WIPF1: variants seen among roughly 807,000 people sequenced by gnomAD.
WIPF1 encodes the protein WAS/WASL-interacting protein family member 1.
A neutral mutation model predicts 35.4 loss-of-function variants in WIPF1; 13 were observed. The ratio of observed to expected loss-of-function variants is 0.37; its 90% confidence interval spans 0.24 to 0.58. The LOEUF (loss-of-function observed/expected upper bound fraction) is 0.58. Ranked by LOEUF, WIPF1 falls within the 20% of genes least tolerant of loss-of-function variation. The probability of loss-of-function intolerance (pLI) is 0.74; values close to 1 mark genes in which losing one functional copy is unlikely to be tolerated. For synonymous variants in WIPF1, 267 were observed against 266.3 expected, an observed-to-expected ratio of 1.00 and a Z score of -0.02; for missense variants, 591 against 667.0, an observed-to-expected ratio of 0.89 and a Z score of 1.25.
chr2:174,609,053 G>C (rs1314165079), intron 1 of WIPF1, among the ~76,000 whole-genome samples: 1 of 152,164 alleles, frequency 6.6e-6, no homozygotes, highest in African/African-American at 2.4e-5. Context: ...GGCTAGTGCA[G>C]CTGCCTGGGA....
intron 1 of WIPF1, among the ~76,000 whole-genome samples, chr2:174,618,959 C>A (rs1429984805): frequency 6.6e-6 from 1 of 152,122 alleles, no homozygotes; most frequent in Non-Finnish European, 1.5e-5. Context: ...TACACACACA[C>A]ACACGCACAC....
chr2:174,670,875 G>C lies in WIPF1; in HGVS notation c.-39+11899C>G, dbSNP rs189143526. Among the ~76,000 whole-genome samples the C allele has an allele frequency of 2.2e-4, 32 of 143,774 alleles. 1 individual carries two copies. In the East Asian group the frequency reaches 5.6e-3, roughly 25 times the overall value. 94.3% of individuals were successfully genotyped at this position (143,774 alleles called of 152,430 possible). The stretch of plus-strand genomic sequence containing the variant: ...ACTTACAGTCACCTGGTTAGGCATA[G>C]GGTGTTTTGTCTGAGACTGTACAAA... On this transcript the variant is annotated intron_variant, in intron 1 of 8. Transcript: ENST00000272746.
At chr2:174,568,387 T>TA (rs1167075446) in intron 5 of WIPF1, among the ~76,000 whole-genome samples, 2 of 152,218 alleles carry the variant, frequency 1.3e-5, no homozygotes, top group Non-Finnish European at 2.9e-5. Context: ...ACCGTATATT[T>TA]AAAAAAACAT....
At position 174,603,145 on chromosome 2, in the gene WIPF1, G is replaced by T. The variant is rs1686057590; in HGVS notation, c.-38-17534C>A. Among the ~76,000 whole-genome samples, 3 of 152,338 alleles carry T rather than the reference G, an allele frequency of 2.0e-5. 1 individual carries two copies. The South Asian group carries it at 6.2e-4, about 32-fold the overall frequency. On this transcript the variant is annotated intron_variant, in intron 1 of 8. Transcript: ENST00000272746. ...TGCACTCATCCTTTGACCACATGGG[G>T]TCTAAAACCAAGACCAACAAAATGG...
chr2:174,680,956 T>C (rs886714709), intron 1 of WIPF1, among the ~76,000 whole-genome samples: 2 of 152,230 alleles, frequency 1.3e-5, no homozygotes, highest in African/African-American at 4.8e-5. Context: ...TGTAATGATA[T>C]GCCTAAGGGC....
At chr2:174,671,122 G>C (rs1688009081) in intron 1 of WIPF1, among the ~76,000 whole-genome samples, 1 of 152,216 alleles carries the variant, frequency 6.6e-6, no homozygotes, top group South Asian at 2.1e-4. Context: ...ATGAAGTCAG[G>C]GACCCCGAAT....
intron 1 of WIPF1, among the ~76,000 whole-genome samples, chr2:174,641,352 C>T (rs537809364): frequency 6.6e-6 from 1 of 152,302 alleles, no homozygotes; most frequent in Admixed American, 6.5e-5. Flanking sequence ...TTCAGTCTGG[C>T]TGATGAGGAG....
At chr2:174,608,122 G>A (rs746818737) in intron 1 of WIPF1, among the ~76,000 whole-genome samples, 2 of 152,234 alleles carry the variant, frequency 1.3e-5, no homozygotes, top group African/African-American at 4.8e-5. Context: ...TCTTTCTCAC[G>A]CAGGGCTGTT....
rs57521272 is a variant in WIPF1, at chr2:174,595,088, C to CAAA, written c.-39+2510_-39+2512dup. ...AAACATAGTGGGACCCTCATCTCTA[C>CAAA]AAAAAAAAAAAAAAAAAAAAAATAT... On this transcript the variant is annotated intron_variant, in intron 1 of 7. Coordinates refer to ENST00000679041, the MANE Select transcript of WIPF1 (RefSeq NM_001375834.1). Among the ~76,000 whole-genome samples, 19 of 5,070 alleles carry CAAA rather than the reference C, an allele frequency of 3.7e-3. 1 individual carries two copies. The highest frequency in any genetic ancestry group is 5.7e-3 in the African/African-American group (11 of 1,932). 3.3% of individuals were successfully genotyped at this position (5,070 alleles called of 152,430 possible). A position where few individuals can be genotyped will look rare whatever the true frequency, so the allele number is the denominator to read the frequency against.
At chr2:174,585,082 A>G (rs952350930) in intron 2 of WIPF1, among the ~76,000 whole-genome samples, 2 of 152,194 alleles carry the variant, frequency 1.3e-5, no homozygotes, top group East Asian at 3.8e-4. Flanking sequence ...GCAGAAAAAA[A>G]GAAAGGAGTG....
chr2:174,592,592 C>T (rs1685650920), intron 1 of WIPF1, among the ~76,000 whole-genome samples: 1 of 147,438 alleles, frequency 6.8e-6, no homozygotes, highest in Non-Finnish European at 1.5e-5. Context: ...TTTTTATTTA[C>T]ATTTATTTAT....
chr2:174,582,177 C>T (rs1384901529), intron 2 of WIPF1, among the ~76,000 whole-genome samples: 3 of 152,204 alleles, frequency 2.0e-5, no homozygotes, highest in East Asian at 1.9e-4. Context: ...AAGCTTAGCT[C>T]ATGGAAATTG....
chr2:174,590,102 TA>T lies in WIPF1; in HGVS notation c.-38-4492del, dbSNP rs1312624413. Among the ~76,000 whole-genome samples the T allele has an allele frequency of 3.3e-5, 5 of 152,046 alleles. No individual in the cohort carries two copies. The highest frequency in any genetic ancestry group is 5.9e-5 in the Non-Finnish European group (4 of 68,016). On this transcript the variant is annotated intron_variant, in intron 1 of 7. Transcript: ENST00000679041. The surrounding 1 kb of genome is among the most constrained non-coding windows in gnomAD (Gnocchi z 4.6). ...AAAAACAAATTAAAATTAAATTTTT[TA>T]AAAAAAGGAGTCCTTTGGGCTTTAC...
At chr2:174,568,606 C>A (rs1381524059) in intron 5 of WIPF1, 1 of 152,798 alleles carries the variant, frequency 6.5e-6, no homozygotes, top group Non-Finnish European at 1.5e-5. Flanking sequence ...AAACCAAATA[C>A]CAGTCATCCT....
intron 3 of WIPF1, among the ~76,000 whole-genome samples, chr2:174,576,007 C>CT (rs1216898761): frequency 5.3e-5 from 8 of 152,146 alleles, no homozygotes; most frequent in African/African-American, 1.9e-4. Flanking sequence ...AATACCAGCA[C>CT]TTTGGGAGGC....
At chr2:174,593,971 A>C (rs1243040277) in intron 1 of WIPF1, among the ~76,000 whole-genome samples, 1 of 152,230 alleles carries the variant, frequency 6.6e-6, no homozygotes, top group Non-Finnish European at 1.5e-5. Flanking sequence ...GAAGAGGAAA[A>C]CAGCTTTATT....
At chr2:174,614,617 T>A (rs1347596587) in intron 1 of WIPF1, among the ~76,000 whole-genome samples, 1 of 152,216 alleles carries the variant, frequency 6.6e-6, no homozygotes, top group Non-Finnish European at 1.5e-5. Context: ...CAAATAAAGC[T>A]TTGGCAAAAT....
Position 174,642,659 on chromosome 2 carries a change from G to GA in WIPF1, c.-39+40114_-39+40115insT. 1.3e-4 allele frequency among the ~76,000 whole-genome samples: 17 copies of GA among 134,818 alleles called. 2 individuals carry two copies. Among genetic ancestry groups the GA allele is most frequent in the African/African-American group, 5.5e-4 (16 of 29,006 alleles). 88.4% of individuals were successfully genotyped at this position (134,818 alleles called of 152,430 possible). ...GCCGCGCCCGGCCTTTTTTGTTGTT[G>GA]TTGTTGTTGAGACTGGGTCTCCCTC... On this transcript the variant is annotated intron_variant, in intron 1 of 8. Coordinates refer to the WIPF1 transcript ENST00000272746.
At chr2:174,654,383 T>A (rs1201184110) in intron 1 of WIPF1, among the ~76,000 whole-genome samples, 1 of 152,194 alleles carries the variant, frequency 6.6e-6, no homozygotes, top group Non-Finnish European at 1.5e-5. Context: ...AGAGTTTATC[T>A]TTGTGTATTA....
Sources: allele counts gnomAD v4.1 joint callset (sites outside exome capture counted in the v4.1 genomes callset), GRCh38; gene constraint gnomAD v4.1.1; non-coding constraint Gnocchi (gnomAD v3.1); transcripts MANE v1.5; gene names NCBI Gene and HGNC (gene_info 2026-07-23, HGNC 2026-07-21).